TMEM9: variants seen among roughly 807,000 people sequenced by gnomAD.
The protein encoded by TMEM9 is transmembrane protein 9.
A neutral mutation model predicts 22.8 loss-of-function variants in TMEM9; 13 were observed. That is an observed-to-expected ratio of 0.57 (90% confidence interval 0.37 to 0.91). The LOEUF is 0.91. Among genes scored for constraint, TMEM9 ranks in the 40% least tolerant of loss-of-function variants. The pLI is 0.01. For missense variants in TMEM9, 182 were observed against 238.1 expected (o/e 0.76, Z 1.55); for synonymous variants, 88 against 93.0 (o/e 0.95, Z 0.31).
At chr1:201,147,618 T>C (rs1665082769) in intron 2 of TMEM9, among the ~76,000 whole-genome samples, 1 of 152,194 alleles carries the variant, frequency 6.6e-6, no homozygotes, top group Admixed American at 6.5e-5. Flanking sequence ...TAACACATAC[T>C]ACCTTCCCAC....
intron 4 of TMEM9, among the ~76,000 whole-genome samples, chr1:201,140,174 C>T (rs1216960585): frequency 6.6e-6 from 1 of 152,210 alleles, no homozygotes; most frequent in Non-Finnish European, 1.5e-5. Flanking sequence ...CCTTGATTTC[C>T]CTGTATACTC....
At chr1:201,141,720 C>G (rs1316115312) in intron 4 of TMEM9, among the ~76,000 whole-genome samples, 1 of 152,072 alleles carries the variant, frequency 6.6e-6, no homozygotes, top group African/African-American at 2.4e-5. Flanking sequence ...AGTCCTGCCA[C>G]AGTTACCAAA....
At chr1:201,170,059 T>C (rs1444184742) in intron 1 of TMEM9, among the ~76,000 whole-genome samples, 1 of 152,178 alleles carries the variant, frequency 6.6e-6, no homozygotes, top group East Asian at 1.9e-4. Context: ...AAGTGGGAAA[T>C]TCATATAATC....
rs3738267 is a variant in TMEM9, at chr1:201,144,008, C to T, written c.268-57G>A. On this transcript the variant is annotated intron_variant, in intron 3 of 4. Coordinates refer to ENST00000367330, the MANE Select transcript of TMEM9 (RefSeq NM_001288565.2). ...TTATCTGAGGCCAGGGCTAGAAATCCGTTGCTAGTCTTGGGCCATCTGTGT... is the reference window on the plus strand; with the variant it reads ...TTATCTGAGGCCAGGGCTAGAAATCTGTTGCTAGTCTTGGGCCATCTGTGT... 271 of 1,595,228 alleles carry T rather than the reference C, an allele frequency of 1.7e-4. 4 individuals carry two copies. In the East Asian group the frequency reaches 5.6e-3, roughly 33 times the overall value.
At chr1:201,146,709 T>C (rs770832665) in intron 3 of TMEM9, 31 bp downstream of exon 3, 1 of 1,588,040 alleles carries the variant, frequency 6.3e-7, no homozygotes. Context: ...CGTGTGGGAA[T>C]CCCACTGGCT....
intron 1 of TMEM9, among the ~76,000 whole-genome samples, chr1:201,167,451 G>A (rs1333955068): frequency 6.6e-6 from 1 of 152,190 alleles, no homozygotes; most frequent in African/African-American, 2.4e-5. Context: ...GAGTCCAGGT[G>A]GAGCATGGTG....
rs553201074 is a variant in TMEM9, at chr1:201,141,264, C to T, written c.399+2556G>A. ...TCCTGCTGCTTTACCTGCTTTTGGC[C>T]GTCTTGGGGCTTAAACCCCCGAGGG... On this transcript the variant is annotated intron_variant, in intron 4 of 4. Transcript: ENST00000367330. 1.1e-4 allele frequency among the ~76,000 whole-genome samples: 17 copies of T among 152,344 alleles called. No homozygotes were observed. The South Asian group carries it at 1.7e-3, about 15-fold the overall frequency.
In TMEM9 at chr1:201,146,791, G is replaced by A. The variant is rs1290612571; in HGVS notation, c.216C>T (p.Tyr72=). The change falls in exon 3 of 5, where the codon TAC becomes TAT. Residue 72 remains tyrosine (Y), a synonymous_variant. Transcript: ENST00000367330. The stretch of plus-strand genomic sequence containing the variant: ...CGTACCTGCACTCGCACAGCAGGCA[G>A]TAGGCCTCCACGTCATGGCCAGGCA... ...MPVPGHDVEA[Y]CLLCECRYEE... is the part of the protein sequence containing the mutation. The A allele has an allele frequency of 7.4e-6, 12 of 1,614,252 alleles. No homozygotes were observed. Among genetic ancestry groups the A allele is most frequent in the Non-Finnish European group, 4.2e-6 (5 of 1,180,040 alleles).
intron 1 of TMEM9, among the ~76,000 whole-genome samples, chr1:201,153,055 G>GT (rs1240627195): frequency 6.6e-6 from 1 of 152,196 alleles, no homozygotes; most frequent in Admixed American, 6.5e-5. Context: ...ACTGTGCACA[G>GT]TAACCTTTAA....
At chr1:201,155,641 A>G (rs1665768700), upstream of TMEM9, among the ~76,000 whole-genome samples, 1 of 152,196 alleles carries the variant, frequency 6.6e-6, no homozygotes, top group Admixed American at 6.5e-5. Flanking sequence ...AGTGTGATGC[A>G]AAGGTCAGGG....
At chr1:201,154,827 C>T (rs1171687683), upstream of TMEM9, among the ~76,000 whole-genome samples, 1 of 152,088 alleles carries the variant, frequency 6.6e-6, no homozygotes, top group Non-Finnish European at 1.5e-5. Context: ...AGGGCTTTGT[C>T]CTCATTCAAA....
chr1:201,144,225 C>G, intron 3 of TMEM9: 1 of 345,412 alleles, frequency 2.9e-6, no homozygotes, highest in Non-Finnish European at 5.4e-6. Context: ...AAGTCTGGAG[C>G]CTGATGCCGA....
At chr1:201,154,600 C>G (rs928492652), upstream of TMEM9, 4 of 152,256 alleles carry the variant, frequency 2.6e-5, no homozygotes, top group Non-Finnish European at 4.4e-5. Flanking sequence ...AAGGGAGAGG[C>G]GGGCATTTCT....
intron 1 of TMEM9, among the ~76,000 whole-genome samples, chr1:201,167,909 C>T (rs1435398508): frequency 2.0e-5 from 3 of 152,174 alleles, no homozygotes; most frequent in Non-Finnish European, 2.9e-5. Flanking sequence ...GAAAGCTCTT[C>T]GTGCCCTAGT....
At chr1:201,150,469 C>T (rs147010482) in intron 2 of TMEM9, among the ~76,000 whole-genome samples, 1 of 152,324 alleles carries the variant, frequency 6.6e-6, no homozygotes, top group East Asian at 1.9e-4. Context: ...AACACACACA[C>T]AAACACGTAC....
intron 1 of TMEM9, among the ~76,000 whole-genome samples, chr1:201,162,826 A>C (rs1274126122): frequency 1.3e-5 from 2 of 152,170 alleles, no homozygotes; most frequent in African/African-American, 2.4e-5. Flanking sequence ...TATCTAATGA[A>C]GGACTGGTAT....
At chr1:201,145,437 AC>A (rs1345818419) in intron 3 of TMEM9, 1 of 152,348 alleles carries the variant, frequency 6.6e-6, no homozygotes, top group African/African-American at 2.4e-5. Flanking sequence ...GGAGTGAAGG[AC>A]AGACAGCTGC....
intron 4 of TMEM9, among the ~76,000 whole-genome samples, chr1:201,142,668 C>A (rs1664630462): frequency 1.3e-5 from 2 of 152,248 alleles, no homozygotes; most frequent in Non-Finnish European, 2.9e-5. Flanking sequence ...TGAGTTCACT[C>A]AGGGCATCCC....
At chr1:201,157,497 A>T (rs1665833525), upstream of TMEM9, among the ~76,000 whole-genome samples, 1 of 152,204 alleles carries the variant, frequency 6.6e-6, no homozygotes, top group African/African-American at 2.4e-5. Context: ...TAGAAAAGAA[A>T]TGATTTCTAG....
Sources: allele counts gnomAD v4.1 joint callset (sites outside exome capture counted in the v4.1 genomes callset), GRCh38; gene constraint gnomAD v4.1.1; transcripts MANE v1.5; gene names NCBI Gene and HGNC (gene_info 2026-07-23, HGNC 2026-07-21).